C8orf74: variants seen among roughly 807,000 people sequenced by gnomAD.
C8orf74 encodes the protein chromosome 8 open reading frame 74, also known as uncharacterized protein C8orf74.
In C8orf74, 29 loss-of-function variants were observed where a neutral mutation model predicts 22.2. The ratio of observed to expected loss-of-function variants is 1.31; its 90% CI spans 0.97 to 1.78. C8orf74 has a LOEUF of 1.78. Ranked by LOEUF, C8orf74 falls within the 40% of genes most tolerant of loss-of-function variation. C8orf74 has a pLI of 0.00. For missense variants in C8orf74, 515 were observed against 369.9 expected (o/e 1.39, Z -3.22); for synonymous variants, 255 against 163.1 (o/e 1.56, Z -4.30).
intron 2 of C8orf74, among the ~76,000 whole-genome samples, chr8:10,676,560 C>G (rs1349026493): frequency 6.6e-6 from 1 of 152,220 alleles, no homozygotes; most frequent in African/African-American, 2.4e-5. Flanking sequence ...CCTGGGTCAG[C>G]CTTTCTTTAA....
At chr8:10,696,566 G>C (rs1391331778) in intron 2 of C8orf74, among the ~76,000 whole-genome samples, 1 of 149,756 alleles carries the variant, frequency 6.7e-6, no homozygotes, top group African/African-American at 2.5e-5. Flanking sequence ...TCCTGCCTCA[G>C]CCTCCCAAGT....
At chr8:10,684,871 A>T (rs1799228135) in intron 2 of C8orf74, among the ~76,000 whole-genome samples, 1 of 152,232 alleles carries the variant, frequency 6.6e-6, no homozygotes, top group African/African-American at 2.4e-5. Flanking sequence ...GCCATCATTA[A>T]GTCAAATAAG....
intron 1 of C8orf74, among the ~76,000 whole-genome samples, chr8:10,673,925 A>T (rs1586026546): frequency 6.6e-6 from 1 of 150,690 alleles, no homozygotes; most frequent in South Asian, 2.1e-4. Context: ...TCGATATCAT[A>T]CCCTGCAGCC....
chr8:10,698,017 C>A lies in C8orf74; in HGVS notation c.648+12C>A, dbSNP rs1197296864. The A allele has an allele frequency of 6.9e-7, 1 of 1,450,598 alleles. No individual in the cohort carries two copies. Among genetic ancestry groups the A allele is most frequent in the East Asian group, 2.5e-5 (1 of 40,502 alleles). The allele number at this position is 1,450,598 out of a possible 1,614,324, so 89.9% of individuals were successfully genotyped here. On this transcript the variant is annotated intron_variant, in intron 3 of 3. Coordinates refer to ENST00000304519, the MANE Select transcript of C8orf74 (RefSeq NM_001040032.2). ...TCCTGGAGAGACAGGTGAGGCTCTG[C>A]CCCCCTGCCGTGGGTGGGCACCTGG...
chr8:10,696,791 A>G (rs2129059005), intron 2 of C8orf74, among the ~76,000 whole-genome samples: 1 of 152,096 alleles, frequency 6.6e-6, no homozygotes, highest in East Asian at 1.9e-4. Flanking sequence ...CTACATTCTC[A>G]TCTCCTTCCT....
chr8:10,698,229 C>T (rs1349156820), intron 3 of C8orf74, among the ~76,000 whole-genome samples: 2 of 152,188 alleles, frequency 1.3e-5, no homozygotes, highest in East Asian at 1.9e-4. Flanking sequence ...CATTTTAACT[C>T]GCCAAGGTCA....
In C8orf74 at chr8:10,672,708, C is replaced by T. The variant is rs11250058; in HGVS notation, c.43C>T (p.Leu15Phe). The change falls in exon 1 of 4, where the codon CTT becomes TTT. Residue 15 changes from leucine to phenylalanine, a missense_variant. Transcript: ENST00000304519. ...TPQGVKEVFQLQRPQGRERLR... is the reference protein window; with the variant it reads ...TPQGVKEVFQFQRPQGRERLR... ...CCAGGGAGTGAAAGAAGTCTTCCAA[C>T]TTCAGGTGAAGGAAGAGAAAATGTG... 1 allele frequency: 1,558,128 copies of T among 1,560,432 alleles called. 777,948 individuals carry two copies. Among genetic ancestry groups the T allele is most frequent in the Non-Finnish European group, 1 (1,151,741 of 1,151,802 alleles).
chr8:10,693,824 C>T (rs997524638), intron 2 of C8orf74, among the ~76,000 whole-genome samples: 10 of 152,362 alleles, frequency 6.6e-5, no homozygotes, highest in African/African-American at 2.4e-4. Flanking sequence ...TCTGCTCCTT[C>T]TGTGCACTGC....
intron 2 of C8orf74, among the ~76,000 whole-genome samples, chr8:10,695,228 G>C (rs538242010): frequency 1.3e-5 from 2 of 152,270 alleles, no homozygotes; most frequent in African/African-American, 4.8e-5. Flanking sequence ...CTTCCAACAA[G>C]CCTGTGAAGT....
At chr8:10,697,233 G>C (rs1202842842) in intron 2 of C8orf74, among the ~76,000 whole-genome samples, 1 of 152,088 alleles carries the variant, frequency 6.6e-6, no homozygotes, top group Non-Finnish European at 1.5e-5. Flanking sequence ...GAGCTCAGGA[G>C]TTCAGCCTGG....
intron 2 of C8orf74, chr8:10,690,949 T>G (rs1290665389): frequency 6.6e-6 from 3 of 456,040 alleles, no homozygotes; most frequent in Non-Finnish European, 8.8e-6. Flanking sequence ...TCCCTGTTAT[T>G]GAAGAGCAAC....
At chr8:10,693,675 G>A (rs75925651) in intron 2 of C8orf74, among the ~76,000 whole-genome samples, 9,466 of 152,172 alleles carry the variant, frequency 0.062, 768 homozygotes, top group African/African-American at 0.19. Context: ...CATGTCAGAC[G>A]TCAGCGTCTC....
chr8:10,685,418 A>G (rs1799241601), intron 2 of C8orf74, among the ~76,000 whole-genome samples: 1 of 152,252 alleles, frequency 6.6e-6, no homozygotes, highest in South Asian at 2.1e-4. Context: ...ATGAATGGAT[A>G]AGCAGAATGT....
chr8:10,690,487 C>T (rs1799353697), intron 2 of C8orf74, among the ~76,000 whole-genome samples: 1 of 152,196 alleles, frequency 6.6e-6, no homozygotes, highest in African/African-American at 2.4e-5. Context: ...CTTCCCACCA[C>T]ACTGGGCCAG....
chr8:10,679,103 T>C (rs995119765), intron 2 of C8orf74, among the ~76,000 whole-genome samples: 1 of 152,184 alleles, frequency 6.6e-6, no homozygotes, highest in Non-Finnish European at 1.5e-5. Flanking sequence ...CTGTGGGACC[T>C]TGGCCATTCC....
At chr8:10,680,822 G>A (rs980534052) in intron 2 of C8orf74, among the ~76,000 whole-genome samples, 15 of 152,166 alleles carry the variant, frequency 9.9e-5, no homozygotes, top group African/African-American at 3.1e-4. Context: ...TCAGGTCCCT[G>A]GCACATTCCA....
chr8:10,699,276 C>A (rs561252056), intron 3 of C8orf74, among the ~76,000 whole-genome samples: 1 of 152,338 alleles, frequency 6.6e-6, no homozygotes, highest in African/African-American at 2.4e-5. Context: ...GCCAGAGCCC[C>A]CTACACTGTG....
intron 3 of C8orf74, 55 bp downstream of exon 3, chr8:10,698,060 C>G: frequency 2.8e-6 from 4 of 1,428,574 alleles, no homozygotes; most frequent in Non-Finnish European, 3.7e-6. Flanking sequence ...GAGACACCAG[C>G]CAGGGCTGGA....
intron 2 of C8orf74, among the ~76,000 whole-genome samples, chr8:10,695,124 T>C (rs891001703): frequency 1.3e-5 from 2 of 152,070 alleles, no homozygotes; most frequent in Non-Finnish European, 2.9e-5. Flanking sequence ...AGATTTTTTT[T>C]GCAAAGGTAG....
Sources: gnomAD v4.1 joint callset for allele counts (sites outside exome capture counted in the v4.1 genomes callset) on GRCh38, gnomAD v4.1.1 for gene constraint, MANE v1.5 for transcripts, NCBI Gene and HGNC (gene_info 2026-07-23, HGNC 2026-07-21) for gene names.